Variants in ZBTB44 observed in about 807,000 individuals in gnomAD.
The protein encoded by ZBTB44 is zinc finger and BTB domain containing 44.
Under a neutral mutation model 54.0 loss-of-function variants are expected in ZBTB44, and 15 were observed. That is an observed-to-expected ratio of 0.28 (90% CI 0.19 to 0.43). The LOEUF is 0.43. Ranked by LOEUF, ZBTB44 falls within the 20% of genes least tolerant of loss-of-function variation. The probability of loss-of-function intolerance (pLI) is 1.00; values close to 1 mark genes in which losing one functional copy is unlikely to be tolerated. For synonymous variants in ZBTB44, 230 were observed against 250.1 expected, an observed-to-expected ratio of 0.92 and a Z score of 0.76; for missense variants, 487 against 707.1, an observed-to-expected ratio of 0.69 and a Z score of 3.53.
At position 130,228,766 on chromosome 11, in the gene ZBTB44, C is replaced by T. The variant is rs1307971167; in HGVS notation, c.*2998G>A. On this transcript the variant is annotated 3_prime_UTR_variant, in exon 8 of 8. Transcript: ENST00000357899. ...AGATTGGCATTTGGGAAAACAAGGG[C>T]CTTTTAATAAAAGTCCTGACACTGG... is the stretch of plus-strand genomic sequence containing the variant. 6.6e-6 allele frequency: 1 copy of T among 152,080 alleles called. No homozygotes were observed. Among genetic ancestry groups the T allele is most frequent in the Non-Finnish European group, 1.5e-5 (1 of 68,022 alleles). 9.4% of individuals were successfully genotyped at this position (152,080 alleles called of 1,614,324 possible). A position where few individuals can be genotyped will look rare whatever the true frequency, so the allele number is the denominator to read the frequency against.
chr11:130,298,148 G>T (rs1187729778), intron 1 of ZBTB44, among the ~76,000 whole-genome samples: 1 of 149,656 alleles, frequency 6.7e-6, no homozygotes, highest in Non-Finnish European at 1.5e-5. Flanking sequence ...AATAATTGAT[G>T]ATTTTTTTTT....
chr11:130,240,224 T>C (rs1161510833), intron 2 of ZBTB44, among the ~76,000 whole-genome samples: 1 of 152,072 alleles, frequency 6.6e-6, no homozygotes, highest in East Asian at 1.9e-4. Flanking sequence ...TGTATTTTAG[T>C]AGAGACAGGG....
intron 2 of ZBTB44, among the ~76,000 whole-genome samples, chr11:130,247,212 G>T (rs1486771011): frequency 3.3e-5 from 5 of 152,136 alleles, no homozygotes; most frequent in Non-Finnish European, 7.3e-5. Context: ...TTGCAAATGA[G>T]CAACAAACTC....
chr11:130,280,017 G>A (rs1325729866), intron 1 of ZBTB44, among the ~76,000 whole-genome samples: 1 of 152,152 alleles, frequency 6.6e-6, no homozygotes. Context: ...TTGGCAGAAA[G>A]GGGGACAGCA....
At position 130,261,827 on chromosome 11, in the gene ZBTB44, T is replaced by C; in HGVS notation, c.47A>G (p.Glu16Gly). Reference protein sequence around the residue: ...FTHSSSSHSQEMLGKLNMLRN... With the variant: ...FTHSSSSHSQGMLGKLNMLRN... Reference sequence around the variant, plus strand: ...CAGCATATTTAGCTTTCCAAGCATTTCCTGGCTGTGGGAAGAGGAGCTATG... The same window carrying C: ...CAGCATATTTAGCTTTCCAAGCATTCCCTGGCTGTGGGAAGAGGAGCTATG... The change falls in exon 2 of 8, where the codon GAA (glutamate) becomes GGA (glycine). Residue 16 changes from glutamate to glycine, a missense_variant. By Grantham distance (98) the Glu-to-Gly change is moderately conservative (BLOSUM62 -2). Transcript: ENST00000357899. The surrounding 1 kb of genome is among the most constrained non-coding windows in gnomAD (Gnocchi z 4.8). 1 of 1,613,720 alleles carries C rather than the reference T, an allele frequency of 6.2e-7. No homozygotes were observed. The highest frequency in any genetic ancestry group is 2.2e-5 in the East Asian group (1 of 44,884).
intron 1 of ZBTB44, among the ~76,000 whole-genome samples, chr11:130,281,744 G>A (rs954443031): frequency 3.3e-5 from 5 of 151,888 alleles, no homozygotes; most frequent in Non-Finnish European, 4.4e-5. Context: ...ACAGGCTCCC[G>A]CCACCACACC....
chr11:130,265,812 T>TGCAGAAGAAAAGTTGGAAGCTA (rs1399503780), intron 1 of ZBTB44, among the ~76,000 whole-genome samples: 4 of 152,202 alleles, frequency 2.6e-5, no homozygotes, highest in Non-Finnish European at 5.9e-5. Context: ...ATGAGGAAGC[T>TGCAGAAGAAAAGTTGGAAGCTA]GCAGAAGAAA....
chr11:130,278,105 C>A (rs932139563), intron 1 of ZBTB44, among the ~76,000 whole-genome samples: 22 of 152,108 alleles, frequency 1.4e-4, no homozygotes, highest in African/African-American at 5.3e-4. Flanking sequence ...AAAAGATTTT[C>A]AGTAAAGATG....
intron 1 of ZBTB44, among the ~76,000 whole-genome samples, chr11:130,266,890 T>A (rs1054295836): frequency 1.3e-5 from 2 of 152,192 alleles, no homozygotes; most frequent in African/African-American, 4.8e-5. Context: ...AATAAATGAT[T>A]TAGAAAACTA....
At chr11:130,310,133 C>T (rs569472702) in intron 1 of ZBTB44, 10 of 151,902 alleles carry the variant, frequency 6.6e-5, no homozygotes, top group Non-Finnish European at 1.2e-4. Flanking sequence ...GCCTGGACAA[C>T]ATAATGAGAA....
rs1336386110 is a variant in ZBTB44 at position 130,261,804 on chromosome 11, G to A, written c.70C>T (p.Leu24=). 5 of 1,613,970 alleles carry A rather than the reference G, an allele frequency of 3.1e-6. No homozygotes were observed. In the South Asian group the frequency reaches 3.3e-5, roughly 11 times the overall value. ...SQEMLGKLNM[L]RNDGHFCDIT... ...TCACAAAAATGTCCATCATTTCGCA[G>A]CATATTTAGCTTTCCAAGCATTTCC... Residue 24 remains leucine (L), a synonymous_variant, in exon 2 of 8, where the codon CTG becomes TTG. Coordinates refer to ENST00000357899, the MANE Select transcript of ZBTB44 (RefSeq NM_001301098.2). The surrounding 1 kb of genome is among the most constrained non-coding windows in gnomAD (Gnocchi z 4.8).
At chr11:130,301,322 T>C (rs576507475) in intron 1 of ZBTB44, among the ~76,000 whole-genome samples, 34 of 151,976 alleles carry the variant, frequency 2.2e-4, no homozygotes, top group African/African-American at 7.8e-4. Flanking sequence ...AGAGAAAAGA[T>C]GATGAAGTAG....
intron 1 of ZBTB44, among the ~76,000 whole-genome samples, chr11:130,283,963 C>T (rs1940730054): frequency 1.3e-5 from 1 of 77,054 alleles, no homozygotes; most frequent in South Asian, 5.2e-4. Context: ...GAGTAAGACT[C>T]CATCTCAAAA....
intron 1 of ZBTB44, among the ~76,000 whole-genome samples, chr11:130,273,326 T>TC (rs71061376): frequency 6.6e-6 from 1 of 150,404 alleles, no homozygotes; most frequent in South Asian, 2.1e-4. Context: ...TTTTTTTTTT[T>TC]GAGACAGAGT....
intron 1 of ZBTB44, among the ~76,000 whole-genome samples, chr11:130,304,061 A>C (rs932357923): frequency 2.0e-5 from 3 of 152,168 alleles, no homozygotes; most frequent in African/African-American, 7.2e-5. Context: ...ATACAAATCT[A>C]ATGTATTTTT....
chr11:130,244,221 C>T (rs1954526730), intron 2 of ZBTB44, among the ~76,000 whole-genome samples: 1 of 152,134 alleles, frequency 6.6e-6, no homozygotes, highest in African/African-American at 2.4e-5. Context: ...TGTGGTGGGA[C>T]AGTAGACTCA....
intron 2 of ZBTB44, among the ~76,000 whole-genome samples, chr11:130,244,527 C>T (rs1455563827): frequency 1.3e-5 from 2 of 151,830 alleles, no homozygotes; most frequent in Admixed American, 6.6e-5. Flanking sequence ...ATTAGCCGGG[C>T]GTGGTGGCGG....
At chr11:130,312,580 T>C (rs1942673109) in intron 1 of ZBTB44, among the ~76,000 whole-genome samples, 4 of 152,182 alleles carry the variant, frequency 2.6e-5, no homozygotes, top group Admixed American at 2.6e-4. Context: ...GGGTATATTT[T>C]ACAAGACAAC....
chr11:130,301,321 A>G (rs562722048), intron 1 of ZBTB44, among the ~76,000 whole-genome samples: 23 of 151,968 alleles, frequency 1.5e-4, no homozygotes, highest in African/African-American at 4.8e-4. Flanking sequence ...GAGAGAAAAG[A>G]TGATGAAGTA....
Sources: gnomAD v4.1 joint callset for allele counts (sites outside exome capture counted in the v4.1 genomes callset) on GRCh38, gnomAD v4.1.1 for gene constraint, Gnocchi (gnomAD v3.1) non-coding constraint, MANE v1.5 for transcripts, NCBI Gene and HGNC (gene_info 2026-07-23, HGNC 2026-07-21) for gene names.